Variants in TSHZ3 observed in about 807,000 individuals in gnomAD.
TSHZ3 encodes the protein teashirt homolog 3.
TSHZ3 carries 10 observed loss-of-function variants against 64.5 expected under a neutral mutation model. The observed-to-expected ratio is 0.16, with a 90% CI of 0.10 to 0.26. TSHZ3 has a LOEUF of 0.26. Among genes scored for constraint, TSHZ3 ranks in the 10% least tolerant of loss-of-function variants. The pLI, the probability that TSHZ3 is intolerant of heterozygous loss-of-function variation, is 1.00. For missense variants in TSHZ3, 1,242 were observed against 1,421.7 expected (o/e 0.87, Z 2.03); for synonymous variants, 608 against 593.1 (o/e 1.03, Z -0.36).
rs772359837 is a variant in TSHZ3 at position 31,349,163 on chromosome 19, G to A, written c.40+17C>T. On this transcript the variant is annotated intron_variant, in intron 1 of 1. Transcript: ENST00000240587. ...AAGAGGAGGAGGAGAGCAGAAGGAAGGGGAAGCGGCTCGTACCTGCTGCGC... is the reference window on the plus strand; with the variant it reads ...AAGAGGAGGAGGAGAGCAGAAGGAAAGGGAAGCGGCTCGTACCTGCTGCGC... 12 of 1,541,372 alleles carry A rather than the reference G, an allele frequency of 7.8e-6. No individual in the cohort carries two copies. The highest frequency in any genetic ancestry group is 7.9e-6 in the Non-Finnish European group (9 of 1,143,900).
intron 1 of TSHZ3, among the ~76,000 whole-genome samples, chr19:31,296,824 G>A (rs1464719447): frequency 1.3e-5 from 2 of 152,180 alleles, no homozygotes; most frequent in African/African-American, 2.4e-5. Flanking sequence ...CAGTCACAAA[G>A]GAACAGGGGC....
intron 4 of TSHZ3, among the ~76,000 whole-genome samples, chr19:31,218,378 T>A (rs1182468249): frequency 6.6e-6 from 1 of 152,242 alleles, no homozygotes; most frequent in African/African-American, 2.4e-5. Flanking sequence ...TTAGCATGGC[T>A]GAAATTGAGA....
intron 1 of TSHZ3, among the ~76,000 whole-genome samples, chr19:31,255,894 G>T (rs1365169230): frequency 6.6e-6 from 1 of 152,150 alleles, no homozygotes; most frequent in African/African-American, 2.4e-5. Context: ...GATGAGTGAG[G>T]TGTTTGCAGT....
At chr19:31,186,568 T>G (rs781734605) in intron 5 of TSHZ3, among the ~76,000 whole-genome samples, 7 of 152,232 alleles carry the variant, frequency 4.6e-5, no homozygotes, top group Non-Finnish European at 7.3e-5. Context: ...CCTCTTTTCT[T>G]GATAAATTAC....
At chr19:31,281,503 C>T (rs1301030155) in intron 1 of TSHZ3, among the ~76,000 whole-genome samples, 10 of 152,146 alleles carry the variant, frequency 6.6e-5, no homozygotes, top group African/African-American at 2.4e-4. Context: ...TGTCCAGGAG[C>T]CATGGATGTT....
At chr19:31,307,491 AGCACGCG>A (rs1916334579) in intron 1 of TSHZ3, among the ~76,000 whole-genome samples, 1 of 151,972 alleles carries the variant, frequency 6.6e-6, no homozygotes, top group African/African-American at 2.4e-5. Context: ...CCACCTGAGC[AGCACGCG>A]GCACGGGGCT....
At chr19:31,184,490 G>C (rs1974773164) in intron 5 of TSHZ3, among the ~76,000 whole-genome samples, 1 of 152,072 alleles carries the variant, frequency 6.6e-6, no homozygotes, top group Non-Finnish European at 1.5e-5. Flanking sequence ...CTACAATCAG[G>C]GTGATTACAG....
chr19:31,213,725 A>G (rs1318975257), intron 4 of TSHZ3, among the ~76,000 whole-genome samples: 1 of 152,182 alleles, frequency 6.6e-6, no homozygotes, highest in Non-Finnish European at 1.5e-5. Flanking sequence ...AATAAAGTCT[A>G]TTTAAAAGAA....
At chr19:31,235,699 CT>C (rs34677399) in intron 3 of TSHZ3, among the ~76,000 whole-genome samples, 1,803 of 59,556 alleles carry the variant, frequency 0.03, 13 homozygotes, top group African/African-American at 0.074. Context: ...TCCTCTTCTT[CT>C]TTTTTTTTTT....
chr19:31,323,552 A>G (rs1171408283), intron 1 of TSHZ3, among the ~76,000 whole-genome samples: 3 of 152,040 alleles, frequency 2.0e-5, no homozygotes, highest in Non-Finnish European at 4.4e-5. Context: ...ACCTCTACAC[A>G]GCTTCATTGT....
chr19:31,239,866 A>T (rs181006116), intron 3 of TSHZ3, among the ~76,000 whole-genome samples: 1 of 152,338 alleles, frequency 6.6e-6, no homozygotes, highest in East Asian at 1.9e-4. Flanking sequence ...TTTAAAATGT[A>T]ATTAAATTGA....
intron 1 of TSHZ3, among the ~76,000 whole-genome samples, chr19:31,265,434 A>AAAAAGAAAAG (rs112866245): frequency 3.3e-5 from 5 of 150,508 alleles, no homozygotes; most frequent in Non-Finnish European, 7.4e-5. Context: ...AGAAAGAAAG[A>AAAAAGAAAAG]AAAAGAAAAG....
rs1976252582 is a variant in TSHZ3 at position 31,277,114 on chromosome 19, G to A, written c.2679C>T (p.Gly893=). The A allele has an allele frequency of 2.5e-6, 4 of 1,603,590 alleles. No homozygotes were observed. The highest frequency in any genetic ancestry group is 1.1e-5 in the South Asian group (1 of 89,790). The change falls in exon 2 of 2, where the codon GGC becomes GGT. Residue 893 remains glycine (G), a synonymous_variant. Coordinates refer to ENST00000240587, the MANE Select transcript of TSHZ3 (RefSeq NM_020856.4). The surrounding 1 kb of genome is among the most constrained non-coding windows in gnomAD (Gnocchi z 4.5). ...GCTGGGGGTTCCAGTTTGACTGGCG[G>A]CCCTTCCTCTTCTGGGCGGGCGTCG... ...EESTPAQKRK[G]RQSNWNPQHL...
At chr19:31,273,081 C>T (rs775373223), downstream of TSHZ3, among the ~76,000 whole-genome samples, 13 of 152,232 alleles carry the variant, frequency 8.5e-5, no homozygotes, top group East Asian at 1.9e-4. Flanking sequence ...AAGGTTCTTC[C>T]GGACAGTGGC....
At chr19:31,304,682 T>C (rs991999825) in intron 1 of TSHZ3, among the ~76,000 whole-genome samples, 3 of 152,188 alleles carry the variant, frequency 2.0e-5, no homozygotes, top group Admixed American at 6.5e-5. Context: ...GAAAAGTGTC[T>C]GAGGGCTTAA....
intron 1 of TSHZ3, among the ~76,000 whole-genome samples, chr19:31,283,885 G>T (rs1976409076): frequency 6.6e-6 from 1 of 152,114 alleles, no homozygotes; most frequent in African/African-American, 2.4e-5. Flanking sequence ...GGAAAGACTG[G>T]GTGTTCCCAG....
chr19:31,274,802 C>A (rs759528405), downstream of TSHZ3: 1 of 152,066 alleles, frequency 6.6e-6, no homozygotes, highest in Non-Finnish European at 1.5e-5. Context: ...TAAAACTCCC[C>A]CTGATTTACG....
At chr19:31,239,370 CTTT>C (rs1975661038) in intron 3 of TSHZ3, among the ~76,000 whole-genome samples, 1 of 152,000 alleles carries the variant, frequency 6.6e-6, no homozygotes, top group Non-Finnish European at 1.5e-5. Context: ...TTCTGATGCC[CTTT>C]ATTTTTTACA....
At chr19:31,329,155 T>A (rs1400715617) in intron 1 of TSHZ3, among the ~76,000 whole-genome samples, 3 of 152,234 alleles carry the variant, frequency 2.0e-5, no homozygotes. Flanking sequence ...GACAAAGATA[T>A]GGAAAATGTG....
Sources: gnomAD v4.1 joint callset for allele counts (sites outside exome capture counted in the v4.1 genomes callset) on GRCh38, gnomAD v4.1.1 for gene constraint, Gnocchi (gnomAD v3.1) non-coding constraint, MANE v1.5 for transcripts, NCBI Gene and HGNC (gene_info 2026-07-23, HGNC 2026-07-21) for gene names.